Variants in GMPS observed in about 807,000 individuals in gnomAD.
GMPS encodes the protein GMP synthase [glutamine-hydrolyzing].
Under a neutral mutation model 77.9 loss-of-function variants are expected in GMPS, and 15 were observed. That is an observed-to-expected ratio of 0.19 (90% CI 0.13 to 0.30). GMPS has a LOEUF of 0.30. Among genes scored for constraint, GMPS ranks in the 10% least tolerant of loss-of-function variants. The probability of loss-of-function intolerance (pLI) is 1.00; values close to 1 mark genes in which losing one functional copy is unlikely to be tolerated. For synonymous variants in GMPS, 224 were observed against 275.9 expected, an observed-to-expected ratio of 0.81 and a Z score of 1.86; for missense variants, 590 against 838.8, an observed-to-expected ratio of 0.70 and a Z score of 3.66.
chr3:155,926,119 C>T (rs575787262), intron 12 of GMPS, among the ~76,000 whole-genome samples: 1 of 152,120 alleles, frequency 6.6e-6, no homozygotes, highest in African/African-American at 2.4e-5. Context: ...TCAAGCGACC[C>T]TACTACCTCA....
In GMPS at chr3:155,931,747, T is replaced by A. The variant is rs751382698; in HGVS notation, c.1561-18T>A. 13 of 1,028,290 alleles carry A rather than the reference T, an allele frequency of 1.3e-5. No individual in the cohort carries two copies. The highest frequency in any genetic ancestry group is 2.0e-5 in the Non-Finnish European group (13 of 653,354). 63.7% of individuals were successfully genotyped at this position (1,028,290 alleles called of 1,614,324 possible). A position where few individuals can be genotyped will look rare whatever the true frequency, so the allele number is the denominator to read the frequency against. ...TCTTTTGACTATTAAAAATTATTGA[T>A]TATCTTTTTATTTTCAGGGTGACTG... On this transcript the variant is annotated intron_variant, in intron 12 of 15. Coordinates refer to ENST00000496455, the MANE Select transcript of GMPS (RefSeq NM_003875.3).
intron 9 of GMPS, among the ~76,000 whole-genome samples, chr3:155,918,754 T>C (rs190941262): frequency 6.6e-6 from 1 of 152,228 alleles, no homozygotes; most frequent in East Asian, 1.9e-4. Flanking sequence ...GCTTTGCTTA[T>C]TTTTTAATTG....
chr3:155,893,429 T>C (rs1411112007), intron 1 of GMPS, 89 bp from the exon 2 acceptor site: 1 of 799,868 alleles, frequency 1.3e-6, no homozygotes, highest in Non-Finnish European at 1.9e-6. Context: ...TATGTGTTTT[T>C]GGAGCTGACA....
chr3:155,911,334 T>C, intron 7 of GMPS, 55 bp downstream of exon 7: 1 of 1,126,172 alleles, frequency 8.9e-7, no homozygotes, highest in Admixed American at 2.6e-5. Context: ...TTTAATCAAA[T>C]CTAGTCTTAT....
chr3:155,915,238 G>GTTTTTT (rs35664957), intron 8 of GMPS, among the ~76,000 whole-genome samples: 2 of 133,184 alleles, frequency 1.5e-5, no homozygotes. Flanking sequence ...CTTTGTTTTT[G>GTTTTTT]TTTTTTTTTT....
intron 3 of GMPS, among the ~76,000 whole-genome samples, chr3:155,900,047 G>C (rs1179826416): frequency 6.6e-6 from 1 of 152,026 alleles, no homozygotes; most frequent in Non-Finnish European, 1.5e-5. Context: ...CCAAGTTTTG[G>C]TAATTATGAA....
intron 14 of GMPS, among the ~76,000 whole-genome samples, 187 bp from the exon 15 acceptor site, chr3:155,936,149 GTT>G (rs1341925904): frequency 6.6e-6 from 1 of 152,080 alleles, no homozygotes; most frequent in African/African-American, 2.4e-5. Context: ...ATCAAATTCT[GTT>G]TTTTGCATTT....
chr3:155,901,242 T>C (rs540509544), intron 3 of GMPS, among the ~76,000 whole-genome samples: 1 of 152,284 alleles, frequency 6.6e-6, no homozygotes, highest in East Asian at 1.9e-4. Flanking sequence ...CTAAATAATA[T>C]ATTAGTTTTG....
chr3:155,936,103 C>G (rs1326166994), intron 14 of GMPS, among the ~76,000 whole-genome samples: 1 of 152,094 alleles, frequency 6.6e-6, no homozygotes, highest in African/African-American at 2.4e-5. Flanking sequence ...TGGACTGTTT[C>G]TGTTTACAGC....
At chr3:155,921,443 T>G (rs1398258690) in intron 10 of GMPS, among the ~76,000 whole-genome samples, 3 of 152,188 alleles carry the variant, frequency 2.0e-5, no homozygotes, top group Admixed American at 1.3e-4. Context: ...TATTAAAAAC[T>G]TTGGATGAGC....
intron 1 of GMPS, among the ~76,000 whole-genome samples, chr3:155,873,700 T>C (rs1368421923): frequency 1.8e-4 from 24 of 131,250 alleles, no homozygotes; most frequent in Non-Finnish European, 1.4e-4. Flanking sequence ...AGTGGTGTGA[T>C]CTCGGCTCAC....
chr3:155,908,728 G>T (rs1235456762), intron 5 of GMPS, among the ~76,000 whole-genome samples: 1 of 152,188 alleles, frequency 6.6e-6, no homozygotes, highest in Non-Finnish European at 1.5e-5. Flanking sequence ...CTATTTACCT[G>T]ATTGGAAAGA....
chr3:155,915,512 C>T (rs1399093676), intron 8 of GMPS, among the ~76,000 whole-genome samples: 1 of 152,174 alleles, frequency 6.6e-6, no homozygotes, highest in Non-Finnish European at 1.5e-5. Flanking sequence ...AGCGATTCTC[C>T]TGCCTCAACT....
At position 155,931,817 on chromosome 3, in the gene GMPS, C is replaced by G. The variant is rs61750371; in HGVS notation, c.1613C>G (p.Pro538Arg). The change falls in exon 13 of 16, where the codon CCT becomes CGT. Residue 538 changes from proline to arginine, a missense_variant. Around this residue, in one of 6 missense-constraint regions of GMPS, gnomAD observed 89 missense variants for 95.9 expected, o/e 0.93. Coordinates refer to ENST00000496455, the MANE Select transcript of GMPS (RefSeq NM_003875.3). ...TGTGGAATCTCCAGTAAAGATGAAC[C>G]TGACTGGGAATCACTTATTTTTCTG... ...YVCGISSKDE[P>R]DWESLIFLAR... 1 of 1,597,378 alleles carries G rather than the reference C, an allele frequency of 6.3e-7. No individual in the cohort carries two copies. The highest frequency in any genetic ancestry group is 8.6e-7 in the Non-Finnish European group (1 of 1,165,332).
At chr3:155,927,524 C>A (rs1755487937) in intron 12 of GMPS, among the ~76,000 whole-genome samples, 1 of 152,140 alleles carries the variant, frequency 6.6e-6, no homozygotes, top group African/African-American at 2.4e-5. Context: ...ACTTTTCCCA[C>A]CAAAATAAAA....
At chr3:155,874,241 C>CT (rs1235925313) in intron 1 of GMPS, among the ~76,000 whole-genome samples, 1 of 152,174 alleles carries the variant, frequency 6.6e-6, no homozygotes, top group Non-Finnish European at 1.5e-5. Context: ...TTTCCCCTGT[C>CT]TAAGGGTGAA....
chr3:155,926,470 G>A (rs1363801913), intron 12 of GMPS, among the ~76,000 whole-genome samples: 4 of 151,946 alleles, frequency 2.6e-5, no homozygotes, highest in Admixed American at 1.3e-4. Context: ...GCCAGTTATT[G>A]GGTTAATGTG....
At chr3:155,887,300 A>T (rs1373165958) in intron 1 of GMPS, among the ~76,000 whole-genome samples, 2 of 152,302 alleles carry the variant, frequency 1.3e-5, no homozygotes, top group Admixed American at 6.5e-5. Flanking sequence ...TCTTTTAAGC[A>T]CACTGGCATG....
At chr3:155,921,388 A>T (rs1433526985) in intron 10 of GMPS, among the ~76,000 whole-genome samples, 1 of 152,238 alleles carries the variant, frequency 6.6e-6, no homozygotes, top group African/African-American at 2.4e-5. Context: ...TAAGTAAGGT[A>T]GTTAATTATA....
Sources: allele counts gnomAD v4.1 joint callset (sites outside exome capture counted in the v4.1 genomes callset), GRCh38; gene constraint gnomAD v4.1.1; regional missense constraint gnomAD v4.1.1; transcripts MANE v1.5; gene names NCBI Gene and HGNC (gene_info 2026-07-23, HGNC 2026-07-21).